BABAM2: variants seen among roughly 807,000 people sequenced by gnomAD.
The protein encoded by BABAM2 is BRISC and BRCA1 A complex member 2.
In BABAM2, 31 loss-of-function variants were observed where a neutral mutation model predicts 54.7. The observed-to-expected ratio is 0.57, with a 90% confidence interval of 0.43 to 0.77. BABAM2 has a LOEUF of 0.77. Among genes scored for constraint, BABAM2 ranks in the 30% least tolerant of loss-of-function variants. The pLI is 0.00. For missense variants in BABAM2, 364 were observed against 455.8 expected, an observed-to-expected ratio of 0.80 and a Z score of 1.83; for synonymous variants, 167 against 162.9, an observed-to-expected ratio of 1.03 and a Z score of -0.19.
At chr2:28,152,588 G>A (rs924146263) in intron 7 of BABAM2, among the ~76,000 whole-genome samples, 2 of 152,282 alleles carry the variant, frequency 1.3e-5, no homozygotes, top group Admixed American at 6.5e-5. Context: ...GGGCACAGGG[G>A]ATGAACTGGA....
chr2:28,139,214 T>C (rs1670813917), intron 7 of BABAM2, among the ~76,000 whole-genome samples: 1 of 145,998 alleles, frequency 6.8e-6, no homozygotes, highest in South Asian at 2.2e-4. Context: ...GATCACTAGC[T>C]GGGAGGCTGA....
intron 7 of BABAM2, among the ~76,000 whole-genome samples, chr2:28,177,598 G>A (rs939355998): frequency 4.0e-5 from 6 of 151,422 alleles, no homozygotes; most frequent in African/African-American, 1.2e-4. Context: ...AAAATAGCCA[G>A]AAAACGATTG....
At chr2:28,075,154 A>C (rs1664539160) in intron 6 of BABAM2, among the ~76,000 whole-genome samples, 1 of 152,174 alleles carries the variant, frequency 6.6e-6, no homozygotes, top group South Asian at 2.1e-4. Context: ...TTTAATACCG[A>C]GTGCACCCAA....
At chr2:28,318,240 G>A (rs931539916) in intron 11 of BABAM2, among the ~76,000 whole-genome samples, 7 of 152,070 alleles carry the variant, frequency 4.6e-5, no homozygotes, top group Admixed American at 1.3e-4. Flanking sequence ...TCTGTACAAG[G>A]AAGGGCTGGA....
chr2:28,026,845 T>A (rs1239897419), intron 5 of BABAM2, among the ~76,000 whole-genome samples: 1 of 42,112 alleles, frequency 2.4e-5, no homozygotes, highest in African/African-American at 8.9e-5. Flanking sequence ...TATATATAAA[T>A]ATATATTTAT....
In BABAM2 at chr2:27,969,328, C is replaced by T. The variant is rs900942271; in HGVS notation, c.206-18665C>T. 2.9e-4 allele frequency among the ~76,000 whole-genome samples: 44 copies of T among 152,032 alleles called. 1 individual carries two copies. Among genetic ancestry groups the T allele is most frequent in the Admixed American group, 1.9e-3 (29 of 15,264 alleles). ...AAAACGGACTAATATAGGAGGTGAT[C>T]TCTGGAAGCACAGTGAGGGGGTGGG... is the stretch of plus-strand genomic sequence containing the variant. On this transcript the variant is annotated intron_variant, in intron 3 of 11. Transcript: ENST00000379624.
chr2:28,086,979 C>T (rs891064616), intron 6 of BABAM2, among the ~76,000 whole-genome samples: 17 of 152,012 alleles, frequency 1.1e-4, no homozygotes, highest in African/African-American at 3.1e-4. Flanking sequence ...ATTTTTGTTC[C>T]GGGAATGCAA....
chr2:28,296,053 G>A (rs1214335162), intron 10 of BABAM2, among the ~76,000 whole-genome samples: 1 of 152,214 alleles, frequency 6.6e-6, no homozygotes, highest in Non-Finnish European at 1.5e-5. Context: ...AGGTTGCAGT[G>A]AGCTGAGATC....
intron 3 of BABAM2, among the ~76,000 whole-genome samples, chr2:27,967,197 C>T (rs1446523932): frequency 6.6e-6 from 1 of 152,152 alleles, no homozygotes; most frequent in Non-Finnish European, 1.5e-5. Flanking sequence ...GTCCCCACCC[C>T]AGATCTCATC....
At chr2:28,104,606 T>A (rs1667348425) in intron 6 of BABAM2, among the ~76,000 whole-genome samples, 2 of 152,182 alleles carry the variant, frequency 1.3e-5, no homozygotes, top group East Asian at 3.8e-4. Flanking sequence ...GTAAACTAGT[T>A]CAACCATTGT....
chr2:28,046,537 T>C (rs1193458600), intron 6 of BABAM2, among the ~76,000 whole-genome samples: 1 of 152,002 alleles, frequency 6.6e-6, no homozygotes. Flanking sequence ...TATTTGTACT[T>C]GTGGTTCTTT....
intron 11 of BABAM2, among the ~76,000 whole-genome samples, chr2:28,337,656 T>C (rs1691589156): frequency 6.6e-6 from 1 of 152,186 alleles, no homozygotes; most frequent in Non-Finnish European, 1.5e-5. Flanking sequence ...AGACTGCATG[T>C]GCGTTTGGAA....
intron 10 of BABAM2, among the ~76,000 whole-genome samples, chr2:28,259,499 G>C (rs1232262482): frequency 6.6e-6 from 1 of 151,950 alleles, no homozygotes; most frequent in Non-Finnish European, 1.5e-5. Flanking sequence ...TTATACATTG[G>C]GATACAAACC....
chr2:27,911,235 ATGAATAGTGCCATTT>A (rs1666572743), intron 2 of BABAM2, among the ~76,000 whole-genome samples: 2 of 152,310 alleles, frequency 1.3e-5, no homozygotes, highest in South Asian at 2.1e-4. Flanking sequence ...CACTAGTATT[ATGAATAGTGCCATTT>A]TGAATAGTGC....
At chr2:28,133,399 G>A (rs927200902) in intron 7 of BABAM2, among the ~76,000 whole-genome samples, 2 of 152,138 alleles carry the variant, frequency 1.3e-5, no homozygotes, top group Non-Finnish European at 2.9e-5. Context: ...ATGTGGACCC[G>A]CCCAAAGCCA....
chr2:28,059,157 T>C (rs187071714), intron 6 of BABAM2, among the ~76,000 whole-genome samples: 12 of 152,330 alleles, frequency 7.9e-5, no homozygotes, highest in African/African-American at 2.9e-4. Flanking sequence ...AGCCCTTGAC[T>C]TGATTGACAT....
intron 7 of BABAM2, among the ~76,000 whole-genome samples, chr2:28,232,887 A>G (rs1406237802): frequency 1.3e-5 from 2 of 152,212 alleles, no homozygotes; most frequent in Non-Finnish European, 2.9e-5. Flanking sequence ...CATTCAGTAT[A>G]GACAGTTCTT....
chr2:27,979,755 CTA>C (rs1338881809), intron 3 of BABAM2, among the ~76,000 whole-genome samples: 1 of 152,060 alleles, frequency 6.6e-6, no homozygotes, highest in African/African-American at 2.4e-5. Context: ...TTCTTAGAAA[CTA>C]TGTTTTCCTG....
At chr2:28,139,321 C>CAAAAAAAAA (rs768755922) in intron 7 of BABAM2, among the ~76,000 whole-genome samples, 13 of 87,080 alleles carry the variant, frequency 1.5e-4, no homozygotes, top group African/African-American at 4.6e-4. Flanking sequence ...AACTCCGTCT[C>CAAAAAAAAA]AAAAAAAAAA....
Sources: gnomAD v4.1 joint callset for allele counts (sites outside exome capture counted in the v4.1 genomes callset) on GRCh38, gnomAD v4.1.1 for gene constraint, MANE v1.5 for transcripts, NCBI Gene and HGNC (gene_info 2026-07-23, HGNC 2026-07-21) for gene names.